PCNX1: variants seen among roughly 807,000 people sequenced by gnomAD.
PCNX1 encodes pecanex 1.
PCNX1 carries 78 observed loss-of-function variants against 242.2 expected under a neutral mutation model. That is an observed-to-expected ratio of 0.32 (90% CI 0.27 to 0.39). The LOEUF (loss-of-function observed/expected upper bound fraction) is 0.39. PCNX1 is among the 10% of genes least tolerant of loss of function. PCNX1 has a pLI of 1.00. For synonymous variants in PCNX1, 1,024 were observed against 1,032.9 expected, an observed-to-expected ratio of 0.99 and a Z score of 0.17; for missense variants, 2,581 against 2,856.5, an observed-to-expected ratio of 0.90 and a Z score of 2.20.
intron 20 of PCNX1, 72 bp downstream of exon 20, chr14:71,045,355 G>T: frequency 6.7e-6 from 7 of 1,049,712 alleles, no homozygotes; most frequent in South Asian, 1.5e-5. Flanking sequence ...ATAGATGACT[G>T]AGTTAAGTGA....
At position 71,011,531 on chromosome 14, in the gene PCNX1, AT is replaced by A; in HGVS notation, c.2764del (p.Tyr922IlefsTer13). ...ATGTATCCAGTTCTACCTCAGTTCG[AT>A]TTTATCCACATGATGTGGTAGGTTT... ...SHVSSSTSVR[F>X]YPHDVLSLPQ... On this transcript the variant is annotated frameshift_variant, in exon 10 of 36. Coordinates refer to ENST00000304743, the MANE Select transcript of PCNX1 (RefSeq NM_014982.3). LOFTEE classifies it high-confidence loss of function. 1 of 1,565,684 alleles carries A rather than the reference AT, an allele frequency of 6.4e-7. No homozygotes were observed. Among genetic ancestry groups the A allele is most frequent in the South Asian group, 1.1e-5 (1 of 89,018 alleles).
intron 6 of PCNX1, among the ~76,000 whole-genome samples, chr14:70,978,863 G>A (rs1316989493): frequency 1.3e-5 from 2 of 152,010 alleles, no homozygotes; most frequent in Admixed American, 6.5e-5. Flanking sequence ...ACTTGAATAC[G>A]TCAATTTGTT....
intron 1 of PCNX1, among the ~76,000 whole-genome samples, chr14:70,918,312 C>G (rs2056231528): frequency 6.6e-6 from 1 of 152,138 alleles, no homozygotes; most frequent in South Asian, 2.1e-4. Flanking sequence ...TTAATCATTT[C>G]CAGCTTTTTG....
chr14:70,978,393 A>G lies in PCNX1; in HGVS notation c.2056A>G (p.Thr686Ala). ...GACTTCTAGCACAAATAGTGCCAAGACTCGTGCCCGAGTGTTGAGCCTGGA... is the reference window on the plus strand; with the variant it reads ...GACTTCTAGCACAAATAGTGCCAAGGCTCGTGCCCGAGTGTTGAGCCTGGA... ...RRTSSTNSAK[T>A]RARVLSLDSG... The change falls in exon 6 of 36, where the codon ACT (threonine) becomes GCT (alanine). Residue 686 changes from threonine (T) to alanine (A), a missense_variant. By Grantham distance (58) the Thr-to-Ala change is moderately conservative. This residue lies in a region of PCNX1 where 1,204 missense variants were observed against 1,216.7 expected (regional missense o/e 0.99). Coordinates refer to ENST00000304743, the MANE Select transcript of PCNX1 (RefSeq NM_014982.3). 6.2e-7 allele frequency: 1 copy of G among 1,614,152 alleles called. No individual in the cohort carries two copies. Among genetic ancestry groups the G allele is most frequent in the South Asian group, 1.1e-5 (1 of 91,082 alleles).
At chr14:71,033,338 G>T in intron 16 of PCNX1, 91 bp from the exon 17 acceptor site, 1 of 617,756 alleles carries the variant, frequency 1.6e-6, no homozygotes, top group Non-Finnish European at 2.8e-6. Flanking sequence ...ATTTAAGTTC[G>T]TTGTCTTTTT....
rs1382905805 is a variant in PCNX1, at chr14:71,114,672, G to GGGTT, written c.*4738_*4741dup. The GGGTT allele has an allele frequency of 5.0e-5, 7 of 140,364 alleles. No homozygotes were observed. The highest frequency in any genetic ancestry group is 1.6e-4 in the African/African-American group (6 of 37,768). 8.7% of individuals were successfully genotyped at this position (140,364 alleles called of 1,614,324 possible). A position where few individuals can be genotyped will look rare whatever the true frequency, so the allele number is the denominator to read the frequency against. Reference sequence around the variant, plus strand: ...TTCTAAGACTTATACCTATTATATAGGGTTATACCTTTTTTCTTATGCCTC... The same window carrying GGGTT: ...TTCTAAGACTTATACCTATTATATAGGGTTGGTTATACCTTTTTTCTTATGCCTC... On this transcript the variant is annotated 3_prime_UTR_variant, in exon 36 of 36. Coordinates refer to ENST00000304743, the MANE Select transcript of PCNX1 (RefSeq NM_014982.3).
intron 28 of PCNX1, among the ~76,000 whole-genome samples, chr14:71,080,004 G>T (rs1438065511): frequency 6.6e-6 from 1 of 152,124 alleles, no homozygotes; most frequent in East Asian, 1.9e-4. Context: ...TATGGATTTA[G>T]GTCTTACATT....
intron 26 of PCNX1, among the ~76,000 whole-genome samples, chr14:71,062,138 A>G (rs2061340620): frequency 6.6e-6 from 1 of 152,170 alleles, no homozygotes; most frequent in Non-Finnish European, 1.5e-5. Context: ...CAAGCAAACT[A>G]TTGTGGACAT....
At chr14:70,926,594 C>T (rs2056600230) in intron 1 of PCNX1, among the ~76,000 whole-genome samples, 1 of 149,288 alleles carries the variant, frequency 6.7e-6, no homozygotes, top group Non-Finnish European at 1.5e-5. Flanking sequence ...GATTTTAAAC[C>T]TCCTATAATG....
chr14:71,021,938 CTTTA>C (rs1265365474), intron 12 of PCNX1, among the ~76,000 whole-genome samples: 1 of 151,968 alleles, frequency 6.6e-6, no homozygotes, highest in Admixed American at 6.6e-5. Context: ...TTTTTTATTG[CTTTA>C]TTTGTTGCCT....
At position 70,977,465 on chromosome 14, in the gene PCNX1, A is replaced by T. The variant is rs772734553; in HGVS notation, c.1128A>T (p.Thr376=). 6 of 1,614,130 alleles carry T rather than the reference A, an allele frequency of 3.7e-6. No individual in the cohort carries two copies. Among genetic ancestry groups the T allele is most frequent in the Middle Eastern group, 3.3e-4 (2 of 6,062 alleles). The change falls in exon 6 of 36, where the codon ACA becomes ACT. Residue 376 remains threonine, a synonymous_variant. Coordinates refer to ENST00000304743, the MANE Select transcript of PCNX1 (RefSeq NM_014982.3). ...TGGACAGCTTGAGGAGCCTGAGCAC[A>T]CGGAGTAGTGGGTCAACAGAAAGCT... is the stretch of plus-strand genomic sequence containing the variant. The part of the protein sequence containing the change: ...KSMDSLRSLS[T]RSSGSTESYC...
intron 1 of PCNX1, among the ~76,000 whole-genome samples, chr14:70,915,795 T>G (rs2140045185): frequency 6.6e-6 from 1 of 152,324 alleles, no homozygotes; most frequent in South Asian, 2.1e-4. Context: ...GAGTGAATCT[T>G]TATATTGAGA....
At chr14:70,913,681 T>C (rs913042872) in intron 1 of PCNX1, among the ~76,000 whole-genome samples, 3 of 152,176 alleles carry the variant, frequency 2.0e-5, no homozygotes, top group African/African-American at 7.2e-5. Flanking sequence ...ACGCTAAAGC[T>C]CTCAGGTCAT....
chr14:70,970,409 C>G (rs2140028689), intron 5 of PCNX1, among the ~76,000 whole-genome samples: 1 of 152,200 alleles, frequency 6.6e-6, no homozygotes, highest in East Asian at 1.9e-4. Context: ...ATATCAATTT[C>G]TTTGAGAATT....
intron 2 of PCNX1, among the ~76,000 whole-genome samples, chr14:70,947,771 TCTGA>T (rs1168007179): frequency 6.6e-6 from 1 of 152,224 alleles, no homozygotes; most frequent in South Asian, 2.1e-4. Flanking sequence ...AACCATAAAG[TCTGA>T]CTGCCTGCGG....
chr14:71,014,031 G>A (rs1356054014), intron 11 of PCNX1, among the ~76,000 whole-genome samples: 1 of 152,180 alleles, frequency 6.6e-6, no homozygotes, highest in East Asian at 1.9e-4. Flanking sequence ...AACTATTTGA[G>A]GCCAGGGAAA....
At chr14:70,993,704 A>G (rs1013926004) in intron 7 of PCNX1, among the ~76,000 whole-genome samples, 2 of 152,210 alleles carry the variant, frequency 1.3e-5, no homozygotes, top group Non-Finnish European at 2.9e-5. Flanking sequence ...AAATCGATAG[A>G]AAAATTTGTT....
intron 26 of PCNX1, among the ~76,000 whole-genome samples, chr14:71,068,978 T>C (rs1014749153): frequency 1.3e-5 from 2 of 152,048 alleles, no homozygotes; most frequent in African/African-American, 4.8e-5. Context: ...TACTCGAGAC[T>C]AGGTAATTTA....
At chr14:71,031,951 T>A (rs1438732644) in intron 16 of PCNX1, 1 of 1,372,306 alleles carries the variant, frequency 7.3e-7, no homozygotes, top group Non-Finnish European at 1.0e-6. Flanking sequence ...AAAGGCAAAC[T>A]TCATGGCTCT....
Sources: gnomAD v4.1 joint callset for allele counts (sites outside exome capture counted in the v4.1 genomes callset) on GRCh38, gnomAD v4.1.1 for gene constraint, gnomAD v4.1.1 regional missense constraint, MANE v1.5 for transcripts, NCBI Gene and HGNC (gene_info 2026-07-23, HGNC 2026-07-21) for gene names.